The following AGAP3 variants were observed in gnomAD, a reference collection of about 807,000 sequenced individuals.
The protein encoded by AGAP3 is arf-GAP with GTPase, ANK repeat and PH domain-containing protein 3.
A neutral mutation model predicts 96.9 loss-of-function variants in AGAP3; 24 were observed. That is an observed-to-expected ratio of 0.25 (90% CI 0.18 to 0.35). The LOEUF (loss-of-function observed/expected upper bound fraction) is 0.35, where lower values mean the gene tolerates loss of function less well. Among genes scored for constraint, AGAP3 ranks in the 10% least tolerant of loss-of-function variants. AGAP3 has a pLI of 1.00. For synonymous variants in AGAP3, 563 were observed against 536.1 expected (o/e 1.05, Z -0.69); for missense variants, 876 against 1,254.2 (o/e 0.70, Z 4.55).
intron 11 of AGAP3, chr7:151,136,121 G>A (rs571036629): frequency 6.6e-6 from 1 of 152,460 alleles, no homozygotes; most frequent in Non-Finnish European, 1.5e-5. Context: ...GAGCTGCGGG[G>A]AGCCCTCTGG....
chr7:151,136,511 T>A (rs992171387), intron 11 of AGAP3: 2 of 152,282 alleles, frequency 1.3e-5, no homozygotes, highest in Non-Finnish European at 2.9e-5. Context: ...CTCATTATCT[T>A]TGTTACTGTA....
Position 151,107,108 on chromosome 7 carries a change from G to A in AGAP3, c.332-9685G>A, listed in dbSNP as rs372535350. Among the ~76,000 whole-genome samples the A allele has an allele frequency of 3.2e-4, 49 of 152,154 alleles. 1 individual carries two copies. In the South Asian group the frequency reaches 9.5e-3, roughly 30 times the overall value. On this transcript the variant is annotated intron_variant, in intron 1 of 17. Coordinates refer to ENST00000397238, the MANE Select transcript of AGAP3 (RefSeq NM_031946.7). ...GTAGATCACCTGAGGTCAGGAGCTC[G>A]AGACCAGCCTGGCCAACATGGTGAA...
intron 1 of AGAP3, among the ~76,000 whole-genome samples, chr7:151,112,978 C>T (rs1333404892): frequency 6.6e-6 from 1 of 152,198 alleles, no homozygotes; most frequent in Non-Finnish European, 1.5e-5. Context: ...AGGTGATCCG[C>T]CTGCCTCAGC....
chr7:151,098,558 T>C (rs1416792355), intron 1 of AGAP3, among the ~76,000 whole-genome samples: 1 of 151,344 alleles, frequency 6.6e-6, no homozygotes, highest in Non-Finnish European at 1.5e-5. Context: ...GAGGCTGAGG[T>C]GAGAGGACTG....
At chr7:151,106,573 G>A (rs934904920) in intron 1 of AGAP3, among the ~76,000 whole-genome samples, 2 of 152,054 alleles carry the variant, frequency 1.3e-5, no homozygotes, top group Non-Finnish European at 2.9e-5. Flanking sequence ...CTCCTCCCGG[G>A]TTCAAGCAAT....
chr7:151,134,396 G>C lies in AGAP3; in HGVS notation c.1327-4G>C, dbSNP rs1457295133. 6.2e-7 allele frequency: 1 copy of C among 1,613,604 alleles called. No individual in the cohort carries two copies. Among genetic ancestry groups the C allele is most frequent in the Admixed American group, 1.7e-5 (1 of 60,022 alleles). On this transcript the variant is annotated splice_polypyrimidine_tract_variant and splice_region_variant and intron_variant, in intron 10 of 17. Transcript: ENST00000397238. ...TTCATCTGTCTCTCCCACCCGGCCT[G>C]CAGGATTACATGCAGAACATCCACG... is the stretch of plus-strand genomic sequence containing the variant.
Position 151,086,771 on chromosome 7 carries a change from C to T in AGAP3, c.30C>T (p.Ser10=). The change falls in exon 1 of 18, where the codon AGC becomes AGT. Residue 10 remains serine (S), a synonymous_variant. Transcript: ENST00000397238. ...ACTTCCAGGCGGGCGGGGGGCAGAG[C>T]CCGCAGCAGCAGCAGAGCCTGGCGG... MNFQAGGGQ[S]PQQQQSLAAP... is the part of the protein sequence containing the mutation. 1.0e-6 allele frequency: 1 copy of T among 963,314 alleles called. No individual in the cohort carries two copies. The highest frequency in any genetic ancestry group is 1.2e-6 in the Non-Finnish European group (1 of 818,756). 59.7% of individuals were successfully genotyped at this position (963,314 alleles called of 1,614,324 possible).
chr7:151,123,313 C>T (rs1246708456), intron 8 of AGAP3: 3 of 1,031,162 alleles, frequency 2.9e-6, no homozygotes, highest in Non-Finnish European at 3.5e-6. Context: ...CTCTTCTGGC[C>T]TCTCTCCTCT....
chr7:151,087,759 T>C (rs777487115), intron 1 of AGAP3, among the ~76,000 whole-genome samples: 1 of 148,544 alleles, frequency 6.7e-6, no homozygotes, highest in Non-Finnish European at 1.5e-5. Context: ...GCACCCGGAG[T>C]CGGGGACCGG....
chr7:151,128,927 G>C (rs1159072236), intron 10 of AGAP3, among the ~76,000 whole-genome samples: 1 of 152,202 alleles, frequency 6.6e-6, no homozygotes, highest in Admixed American at 6.5e-5. Flanking sequence ...TGTTTAAGGT[G>C]GGGGATTCAG....
chr7:151,119,138 T>C (rs57564091), intron 7 of AGAP3: 41,163 of 180,144 alleles, frequency 0.23, 5,457 homozygotes, highest in Admixed American at 0.4. Context: ...TCTTACTGTC[T>C]CTGAGCAGCC....
chr7:151,093,057 G>C (rs1310828023), intron 1 of AGAP3, among the ~76,000 whole-genome samples: 1 of 152,088 alleles, frequency 6.6e-6, no homozygotes, highest in Non-Finnish European at 1.5e-5. Context: ...GTCTCCCATG[G>C]GTAGCACGGA....
At chr7:151,131,565 G>A (rs1288460226) in intron 10 of AGAP3, among the ~76,000 whole-genome samples, 1 of 152,212 alleles carries the variant, frequency 6.6e-6, no homozygotes, top group East Asian at 1.9e-4. Flanking sequence ...CATCCCTGCT[G>A]ATGCTCCTCA....
chr7:151,117,484 C>T, intron 4 of AGAP3, 28 bp downstream of exon 4: 2 of 1,613,922 alleles, frequency 1.2e-6, no homozygotes, highest in South Asian at 1.1e-5. Context: ...GGTTAGGGCC[C>T]ACCGCTGTGC....
intron 12 of AGAP3, 112 bp downstream of exon 12, chr7:151,138,425 C>T: frequency 1.6e-6 from 2 of 1,287,932 alleles, no homozygotes; most frequent in Non-Finnish European, 1.0e-6. Context: ...GTGTCCAGGC[C>T]AAGGGGTGGG....
chr7:151,120,363 C>T (rs1262424130), intron 8 of AGAP3, among the ~76,000 whole-genome samples: 1 of 152,162 alleles, frequency 6.6e-6, no homozygotes, highest in Non-Finnish European at 1.5e-5. Context: ...CAGTAGCGGC[C>T]CTTACCCTGT....
intron 1 of AGAP3, among the ~76,000 whole-genome samples, chr7:151,104,231 T>C (rs1046996214): frequency 6.6e-6 from 1 of 152,208 alleles, no homozygotes; most frequent in African/African-American, 2.4e-5. Flanking sequence ...TATTAGCCAG[T>C]GTTCTGTTAA....
chr7:151,118,543 C>T lies in AGAP3; in HGVS notation c.880C>T (p.Leu294=), dbSNP rs61740089. 5,795 of 1,614,176 alleles carry T rather than the reference C, an allele frequency of 3.6e-3. 178 individuals are homozygous for T. In the African/African-American group the frequency reaches 0.065, roughly 18 times the overall value. The change falls in exon 7 of 18, where the codon CTG becomes TTG. Residue 294 remains leucine, a synonymous_variant. Transcript: ENST00000397238. The surrounding 1 kb of genome is among the most constrained non-coding windows in gnomAD (Gnocchi z 6.1). Reference sequence around the variant, plus strand: ...AGTGGCCTTGCGAAAGAAGCAGCAACTGGCCATCGGGCCCTGCAAGTCACT... The same window carrying T: ...AGTGGCCTTGCGAAAGAAGCAGCAATTGGCCATCGGGCCCTGCAAGTCACT... ...KVVALRKKQQ[L]AIGPCKSLPN...
chr7:151,104,021 G>A (rs1046584141), intron 1 of AGAP3, among the ~76,000 whole-genome samples: 1 of 152,116 alleles, frequency 6.6e-6, no homozygotes, highest in African/African-American at 2.4e-5. Context: ...CGTGAGGACT[G>A]GGTCTCTCCA....
Sources: allele counts gnomAD v4.1 joint callset (sites outside exome capture counted in the v4.1 genomes callset), GRCh38; gene constraint gnomAD v4.1.1; non-coding constraint Gnocchi (gnomAD v3.1); transcripts MANE v1.5; gene names NCBI Gene and HGNC (gene_info 2026-07-23, HGNC 2026-07-21).